The following DNAH6 variants were observed in gnomAD, a reference collection of about 807,000 sequenced individuals.
DNAH6 encodes the protein axonemal beta dynein heavy chain 6.
Under a neutral mutation model 491.4 loss-of-function variants are expected in DNAH6, and 340 were observed. The observed-to-expected ratio is 0.69, with a 90% CI of 0.63 to 0.76. DNAH6 has a LOEUF of 0.76. DNAH6 is among the 30% of genes least tolerant of loss of function. The pLI is 0.00. For synonymous variants in DNAH6, 1,603 were observed against 1,686.1 expected (o/e 0.95, Z 1.21); for missense variants, 4,443 against 4,972.2 (o/e 0.89, Z 3.20).
At chr2:84,507,891 C>A in the DNAH6 span, among the ~76,000 whole-genome samples, 1 of 152,244 alleles carries the variant, frequency 6.6e-6, no homozygotes, top group African/African-American at 2.4e-5. Flanking sequence ...ATATTCTGAA[C>A]TAGCCTTGCA....
intron 11 of DNAH6, among the ~76,000 whole-genome samples, chr2:84,568,372 T>C (rs1427705638): frequency 6.6e-6 from 1 of 152,174 alleles, no homozygotes; most frequent in African/African-American, 2.4e-5. Flanking sequence ...ATATATACCG[T>C]GGAATACTGT....
chr2:84,601,024 AATGTTATTATTAT>A (rs1685170274), intron 18 of DNAH6, among the ~76,000 whole-genome samples: 14 of 147,230 alleles, frequency 9.5e-5, no homozygotes, highest in African/African-American at 3.2e-4. Context: ...TTATAATAAT[AATGTTATTATTAT>A]ACTATAATAA....
the DNAH6 span, among the ~76,000 whole-genome samples, chr2:84,497,982 C>T: frequency 6.6e-6 from 1 of 152,238 alleles, no homozygotes; most frequent in African/African-American, 2.4e-5. Context: ...CCCTTCCCAG[C>T]CCTTCCGTTC....
chr2:84,641,989 G>A lies in DNAH6; in HGVS notation c.5013G>A (p.Val1671=), dbSNP rs966844436. The change falls in exon 33 of 77, where the codon GTG becomes GTA. Residue 1671 remains valine, a synonymous_variant. Transcript: ENST00000389394. ...ACCCAGACCTAAATGAAGATGTGGT[G>A]TTGATAAGAGCTTTACAAGACTCCA... The part of the protein sequence containing the change: ...RENPDLNEDV[V]LIRALQDSNL... 2 of 1,550,844 alleles carry A rather than the reference G, an allele frequency of 1.3e-6. No individual in the cohort carries two copies. The highest frequency in any genetic ancestry group is 1.7e-6 in the Non-Finnish European group (2 of 1,146,566).
At chr2:84,815,824 C>T (rs1680431870) in intron 75 of DNAH6, 37 bp from the exon 76 acceptor site, 1 of 1,481,004 alleles carries the variant, frequency 6.8e-7, no homozygotes, top group Non-Finnish European at 9.2e-7. Context: ...GATCCCTTTT[C>T]CCCCATCTCA....
chr2:84,483,900 T>G, the DNAH6 span, among the ~76,000 whole-genome samples: 1 of 152,198 alleles, frequency 6.6e-6, no homozygotes, highest in African/African-American at 2.4e-5. Context: ...TGAGTAGGAA[T>G]AAAAGTCCCA....
At chr2:84,819,189 C>T in intron 76 of DNAH6, 116 bp from the exon 77 acceptor site, 2 of 641,528 alleles carry the variant, frequency 3.1e-6, no homozygotes, top group Non-Finnish European at 5.4e-6. Flanking sequence ...TGTCCAGCAT[C>T]TTTAGGGGCA....
chr2:84,509,545 C>CT, the DNAH6 span, among the ~76,000 whole-genome samples: 6 of 152,242 alleles, frequency 3.9e-5, no homozygotes, highest in African/African-American at 1.4e-4. Flanking sequence ...CAGTCTGTGT[C>CT]TTTTAATTGG....
At chr2:84,482,183 A>G in the DNAH6 span, among the ~76,000 whole-genome samples, 1 of 152,220 alleles carries the variant, frequency 6.6e-6, no homozygotes, top group Non-Finnish European at 1.5e-5. Context: ...CCTCTTGTAT[A>G]GCTTCCACTA....
intron 18 of DNAH6, among the ~76,000 whole-genome samples, chr2:84,597,542 A>G (rs938056914): frequency 7.9e-5 from 12 of 152,210 alleles, no homozygotes; most frequent in Non-Finnish European, 1.2e-4. Flanking sequence ...TTTGGAAAAT[A>G]ATCTGGCAGT....
chr2:84,606,475 T>G (rs1685780665), intron 20 of DNAH6, among the ~76,000 whole-genome samples: 1 of 151,452 alleles, frequency 6.6e-6, no homozygotes, highest in African/African-American at 2.4e-5. Context: ...TAAAGGGGAG[T>G]AGTAGGGGAG....
intron 31 of DNAH6, among the ~76,000 whole-genome samples, chr2:84,638,585 A>G (rs77948689): frequency 0.07 from 10,596 of 152,240 alleles, 1,229 homozygotes; most frequent in African/African-American, 0.24. Context: ...ATAACAGCTA[A>G]TTTTAAATAT....
chr2:84,548,259 CTTG>C (rs757779722), intron 7 of DNAH6, 26 bp from the exon 8 acceptor site: 106 of 1,588,818 alleles, frequency 6.7e-5, no homozygotes, highest in African/African-American at 3.7e-4. Context: ...CACAAGTACA[CTTG>C]TTGTTGTTCC....
intron 23 of DNAH6, 103 bp from the exon 24 acceptor site, chr2:84,619,582 T>C (rs1430443032): frequency 9.8e-7 from 1 of 1,020,734 alleles, no homozygotes; most frequent in Admixed American, 2.3e-5. Context: ...GTCCAGGAAA[T>C]TGGTGGACAG....
intron 32 of DNAH6, among the ~76,000 whole-genome samples, chr2:84,641,688 A>G (rs1689420105): frequency 6.6e-6 from 1 of 152,226 alleles, no homozygotes; most frequent in Non-Finnish European, 1.5e-5. Context: ...TCAGGGAACT[A>G]TAAATTCAGG....
At chr2:84,493,958 C>T in the DNAH6 span, among the ~76,000 whole-genome samples, 6 of 152,118 alleles carry the variant, frequency 3.9e-5, no homozygotes, top group Non-Finnish European at 7.4e-5. Flanking sequence ...TGGTCAAGCA[C>T]GAGGAACTAA....
intron 14 of DNAH6, among the ~76,000 whole-genome samples, chr2:84,580,128 A>G (rs1053684011): frequency 8.5e-5 from 13 of 152,182 alleles, no homozygotes; most frequent in Non-Finnish European, 1.9e-4. Context: ...TGTAATCTAG[A>G]TGTTAATCAT....
the DNAH6 span, among the ~76,000 whole-genome samples, chr2:84,488,357 C>T: frequency 2.0e-5 from 3 of 146,446 alleles, no homozygotes; most frequent in Non-Finnish European, 3.0e-5. Flanking sequence ...GCACATGTAC[C>T]CTAAAACTTA....
chr2:84,519,167 C>CTGTATCAACTGACAGATATCTGCAATTG (rs1675895012), intron 2 of DNAH6, among the ~76,000 whole-genome samples: 1 of 152,026 alleles, frequency 6.6e-6, no homozygotes, highest in Non-Finnish European at 1.5e-5. Context: ...AGCCAACAGC[C>CTGTATCAACTGACAGATATCTGCAATTG]TGTATCAACT....
Sources: allele counts gnomAD v4.1 joint callset (sites outside exome capture counted in the v4.1 genomes callset), GRCh38; gene constraint gnomAD v4.1.1; transcripts MANE v1.5; gene names NCBI Gene and HGNC (gene_info 2026-07-23, HGNC 2026-07-21).